The following CUL4B variants were observed in gnomAD, a reference collection of about 807,000 sequenced individuals.
CUL4B encodes the protein cullin-4B.
In CUL4B, 1 loss-of-function variant was observed where a neutral mutation model predicts 69.2. That is an observed-to-expected ratio of 0.01 (90% CI 0.01 to 0.07). CUL4B has a LOEUF of 0.07. CUL4B is among the 10% of genes least tolerant of loss of function. The pLI is 1.00. For missense variants in CUL4B, 328 were observed against 638.8 expected, an observed-to-expected ratio of 0.51 and a Z score of 5.24; for synonymous variants, 237 against 223.2, an observed-to-expected ratio of 1.06 and a Z score of -0.55.
chrX:120,563,337 G>A (rs374572926), upstream of CUL4B, among the ~76,000 whole-genome samples: 5 of 112,066 alleles, frequency 4.5e-5, no homozygotes, highest in African/African-American at 1.6e-4. Flanking sequence ...GGGTTCAAGC[G>A]ATTCTTGTGC....
chrX:120,546,324 T>G (rs981419514), intron 4 of CUL4B, among the ~76,000 whole-genome samples: 1 of 109,341 alleles, frequency 9.1e-6, no homozygotes, highest in South Asian at 3.9e-4. Flanking sequence ...AAATCACCAC[T>G]AAGGAACTTA....
In CUL4B at chrX:120,544,051, T is replaced by C. The variant is rs1924168277; in HGVS notation, c.1173+63A>G. On this transcript the variant is annotated intron_variant, in intron 7 of 19. Transcript: ENST00000371322. ...AGATAAATGCAAAGGGAAGCTTATA[T>C]TCTACAAAGTAAGGTCTATTGTGAG... 6.8e-6 allele frequency: 5 copies of C among 731,144 alleles called. No individual in the cohort carries two copies. The East Asian group carries it at 1.6e-4, about 24-fold the overall frequency. 60.3% of individuals were successfully genotyped at this position (731,144 alleles called of 1,213,427 possible).
chrX:120,534,803 G>GT (rs757062628), intron 16 of CUL4B, among the ~76,000 whole-genome samples: 6 of 109,764 alleles, frequency 5.5e-5, no homozygotes, highest in African/African-American at 1.3e-4. Flanking sequence ...CCTTTTAACA[G>GT]TTTTTTTTTA....
intron 19 of CUL4B, among the ~76,000 whole-genome samples, chrX:120,528,265 G>A (rs1923105359): frequency 9.1e-6 from 1 of 109,999 alleles, no homozygotes; most frequent in Non-Finnish European, 1.9e-5. Context: ...GAATTAGCCA[G>A]GTGTGGTGGT....
rs1416632145 is a variant in CUL4B at position 120,560,928 on chromosome X, TC to T, written c.-291del. On this transcript the variant is annotated 5_prime_UTR_variant, in exon 1 of 20. Transcript: ENST00000371322. The stretch of plus-strand genomic sequence containing the variant: ...CCCCTCCCCTGCTTTTCGATCTCTC[TC>T]CCCCCCTTTCTGCAGGAGCGACTCA... The T allele has an allele frequency of 2.8e-5, 21 of 748,657 alleles. No homozygotes were observed. Among genetic ancestry groups the T allele is most frequent in the Non-Finnish European group, 3.3e-5 (21 of 637,478 alleles). The allele number at this position is 748,657 out of a possible 1,213,427, so 61.7% of individuals were successfully genotyped here.
chrX:120,536,663 T>C (rs1311208787), intron 15 of CUL4B, among the ~76,000 whole-genome samples: 5 of 111,732 alleles, frequency 4.5e-5, no homozygotes, highest in South Asian at 3.7e-4. Context: ...ATTAAAGCAG[T>C]TGGTATTTGG....
intron 3 of CUL4B, 120 bp downstream of exon 3, chrX:120,547,016 C>A: frequency 2.0e-6 from 1 of 510,584 alleles, no homozygotes; most frequent in Non-Finnish European, 3.5e-6. Context: ...AAACACAAGG[C>A]ACAAAAAATG....
chrX:120,526,887 G>C, intron 19 of CUL4B, 31 bp from the exon 20 acceptor site: 1 of 942,792 alleles, frequency 1.1e-6, no homozygotes, highest in Non-Finnish European at 1.5e-6. Flanking sequence ...TCAATGTAAA[G>C]TTCATTATCA....
At chrX:120,566,369 A>ATGTGTATATATATATATATATATG (rs1187917327), upstream of CUL4B, among the ~76,000 whole-genome samples, 1 of 56,465 alleles carries the variant, frequency 1.8e-5, no homozygotes, top group African/African-American at 5.3e-5. Flanking sequence ...ATATATATAT[A>ATGTGTATATATATATATATATATG]TATATATATA....
chrX:120,566,371 A>ATATGTATATATATATATATATATATG (rs1925538650), upstream of CUL4B, among the ~76,000 whole-genome samples: 1 of 60,028 alleles, frequency 1.7e-5, no homozygotes, highest in African/African-American at 5.3e-5. Flanking sequence ...ATATATATAT[A>ATATGTATATATATATATATATATATG]TATATATATA....
chrX:120,552,047 T>C (rs935727291), intron 2 of CUL4B, among the ~76,000 whole-genome samples: 1 of 112,346 alleles, frequency 8.9e-6, no homozygotes, highest in African/African-American at 3.2e-5. Context: ...GTATTTATTA[T>C]TTATGTATTT....
At chrX:120,548,982 G>A (rs370414632) in intron 2 of CUL4B, among the ~76,000 whole-genome samples, 18 of 112,243 alleles carry the variant, frequency 1.6e-4, no homozygotes, top group African/African-American at 5.2e-4. Context: ...TCAGATTTCC[G>A]TAAGTTTCCT....
In CUL4B at chrX:120,546,580, A is replaced by C; in HGVS notation, c.813T>G (p.Ile271Met). The change falls in exon 4 of 20, where the codon ATT (isoleucine) becomes ATG (methionine). Residue 271 changes from isoleucine to methionine, a missense_variant. Around this residue, in one of 4 missense-constraint regions of CUL4B, gnomAD observed 126 missense variants for 202.5 expected, o/e 0.62. Transcript: ENST00000371322. Reference sequence around the variant, plus strand: ...TGCAATGGTTTTGCCAGCATCTATCAATCTTCTTTAAAAAAAGAACGCTAT... The same window carrying C: ...TGCAATGGTTTTGCCAGCATCTATCCATCTTCTTTAAAAAAAGAACGCTAT... Reference protein sequence around the residue: ...SLDSVLFLKKIDRCWQNHCRQ... With the variant: ...SLDSVLFLKKMDRCWQNHCRQ... The C allele has an allele frequency of 1.7e-6, 2 of 1,204,393 alleles. No individual in the cohort carries two copies. The highest frequency in any genetic ancestry group is 2.2e-6 in the Non-Finnish European group (2 of 889,518).
upstream of CUL4B, chrX:120,561,028 A>C: frequency 6.4e-6 from 6 of 938,516 alleles, no homozygotes; most frequent in Non-Finnish European, 8.0e-6. Context: ...GGTTGGGGGA[A>C]AGGGGGAGGG....
chrX:120,568,178 A>C (rs188907663), downstream of CUL4B, among the ~76,000 whole-genome samples: 1 of 111,155 alleles, frequency 9.0e-6, no homozygotes, highest in East Asian at 2.8e-4. Flanking sequence ...GGTAAACAGA[A>C]CTAGAAGAAG....
intron 15 of CUL4B, 52 bp downstream of exon 15, chrX:120,536,875 G>T (rs1173280872): frequency 1.2e-6 from 1 of 859,247 alleles, no homozygotes; most frequent in Non-Finnish European, 1.7e-6. Flanking sequence ...AAGCAAAATG[G>T]AAATGCTATG....
At position 120,535,950 on chromosome X, in the gene CUL4B, T is replaced by C; in HGVS notation, c.2047-7A>G. On this transcript the variant is annotated splice_polypyrimidine_tract_variant and splice_region_variant and intron_variant, in intron 15 of 19. Coordinates refer to ENST00000371322, the MANE Select transcript of CUL4B (RefSeq NM_001079872.2). ...TCTCCTGAAGTTTTACCATCTAAAG[T>C]AAATAAAATAAGGCTTTATTTAAGC... 1 of 1,086,938 alleles carries C rather than the reference T, an allele frequency of 9.2e-7. No homozygotes were observed. The highest frequency in any genetic ancestry group is 1.8e-5 in the African/African-American group (1 of 55,405). 89.6% of individuals were successfully genotyped at this position (1,086,938 alleles called of 1,213,427 possible). A position where few individuals can be genotyped will look rare whatever the true frequency, so the allele number is the denominator to read the frequency against.
At chrX:120,570,871 A>G (rs1925689277), downstream of CUL4B, among the ~76,000 whole-genome samples, 1 of 111,761 alleles carries the variant, frequency 8.9e-6, no homozygotes, top group Admixed American at 9.6e-5. Flanking sequence ...ACTTGCAGAT[A>G]TATAATATGA....
At chrX:120,568,877 C>T (rs1039841229), downstream of CUL4B, among the ~76,000 whole-genome samples, 5 of 111,686 alleles carry the variant, frequency 4.5e-5, no homozygotes, top group African/African-American at 1.3e-4. Context: ...TTTACAATTT[C>T]GTAAGGAGAC....
Sources: gnomAD v4.1 joint callset for allele counts (sites outside exome capture counted in the v4.1 genomes callset) on GRCh38, gnomAD v4.1.1 for gene constraint, gnomAD v4.1.1 regional missense constraint, MANE v1.5 for transcripts, NCBI Gene and HGNC (gene_info 2026-07-23, HGNC 2026-07-21) for gene names.